The following MAGT1 variants were observed in gnomAD, a reference collection of about 807,000 sequenced individuals.
MAGT1 encodes magnesium transporter 1, also known as dolichyl-diphosphooligosaccharide--protein glycosyltransferase subunit MAGT1.
In MAGT1, 4 loss-of-function variants were observed where a neutral mutation model predicts 28.4. That is an observed-to-expected ratio of 0.14 (90% CI 0.07 to 0.32). The LOEUF (loss-of-function observed/expected upper bound fraction) is 0.32, where lower values mean the gene tolerates loss of function less well. Ranked by LOEUF, MAGT1 falls within the 10% of genes least tolerant of loss-of-function variation. The pLI is 1.00. For synonymous variants in MAGT1, 89 were observed against 89.7 expected (o/e 0.99, Z 0.04); for missense variants, 193 against 264.5 (o/e 0.73, Z 1.88).
In MAGT1 at chrX:77,889,375, TA is replaced by T. The variant is rs200075653; in HGVS notation, c.102+5933del. Among the ~76,000 whole-genome samples, 97 of 101,456 alleles carry T rather than the reference TA, an allele frequency of 9.6e-4. 1 individual carries two copies. Among genetic ancestry groups the T allele is most frequent in the African/African-American group, 1.7e-3 (47 of 27,771 alleles). 88.1% of individuals were successfully genotyped at this position (101,456 alleles called of 115,157 possible). ...ATATATATGTACATATATATATATA[TA>T]TTTTTTTTTTTGACATGGAATGACT... is the stretch of plus-strand genomic sequence containing the variant. On this transcript the variant is annotated intron_variant, in intron 1 of 9. Transcript: ENST00000618282.
chrX:77,844,141 A>G (rs1257485478), intron 7 of MAGT1, among the ~76,000 whole-genome samples: 2 of 111,521 alleles, frequency 1.8e-5, no homozygotes, highest in African/African-American at 3.3e-5. Context: ...TTATTGGTCT[A>G]TTCAGAGATT....
In MAGT1 at chrX:77,828,910, G is replaced by T; in HGVS notation, c.*310C>A. 5.1e-6 allele frequency: 1 copy of T among 197,287 alleles called. No individual in the cohort carries two copies. Among genetic ancestry groups the T allele is most frequent in the Non-Finnish European group, 9.3e-6 (1 of 107,605 alleles). 16.3% of individuals were successfully genotyped at this position (197,287 alleles called of 1,213,427 possible). A position where few individuals can be genotyped will look rare whatever the true frequency, so the allele number is the denominator to read the frequency against. On this transcript the variant is annotated 3_prime_UTR_variant, in exon 10 of 10. Transcript: ENST00000618282. ...GTTAACTAAAGTAGTTTTGAGCTTT[G>T]TTCTAACTAAAACAAAGTAGTAGTT...
At chrX:77,888,661 A>T (rs1299349629) in intron 1 of MAGT1, among the ~76,000 whole-genome samples, 1 of 111,518 alleles carries the variant, frequency 9.0e-6, no homozygotes, top group Non-Finnish European at 1.9e-5. Flanking sequence ...ATTAATTACG[A>T]TTTAAAGCTA....
At chrX:77,868,627 A>T in intron 3 of MAGT1, 1 of 305,507 alleles carries the variant, frequency 3.3e-6, no homozygotes, top group Non-Finnish European at 6.3e-6. Context: ...ACAGAGCGAG[A>T]CTCCATCTCA....
At chrX:77,834,128 C>G (rs782179328) in intron 8 of MAGT1, among the ~76,000 whole-genome samples, 17 of 104,098 alleles carry the variant, frequency 1.6e-4, no homozygotes, top group Non-Finnish European at 3.3e-4. Flanking sequence ...AAAATCAAGT[C>G]AAAGTGGATT....
In MAGT1 at chrX:77,845,121, G is replaced by GA. The variant is rs1557214768; in HGVS notation, c.827-3802_827-3801insT. ...TCTAAGGACTCGCTTTATGAATCTG[G>GA]GTGCTCCTGTATTGGGTGCATATAT... On this transcript the variant is annotated intron_variant, in intron 7 of 9. Coordinates refer to ENST00000618282, the MANE Select transcript of MAGT1 (RefSeq NM_001367916.1). Among the ~76,000 whole-genome samples the GA allele has an allele frequency of 1.5e-4, 17 of 111,132 alleles. No individual in the cohort carries two copies. The Admixed American group carries it at 1.6e-3, about 11-fold the overall frequency.
chrX:77,876,597 G>A (rs931935018), intron 1 of MAGT1, among the ~76,000 whole-genome samples: 6 of 111,648 alleles, frequency 5.4e-5, no homozygotes, highest in Non-Finnish European at 1.1e-4. Context: ...CCATACAAGT[G>A]TAGTCAAATG....
intron 8 of MAGT1, among the ~76,000 whole-genome samples, chrX:77,837,949 A>G (rs1380830946): frequency 1.8e-5 from 2 of 111,365 alleles, no homozygotes; most frequent in African/African-American, 6.5e-5. Flanking sequence ...CATGTTGGCC[A>G]GGCTAGTCTC....
intron 1 of MAGT1, among the ~76,000 whole-genome samples, chrX:77,890,722 T>A: frequency 8.9e-6 from 1 of 112,096 alleles, no homozygotes; most frequent in East Asian, 2.8e-4. Flanking sequence ...ATCTTCTATA[T>A]GCCAGGTACT....
Position 77,839,446 on chromosome X carries a change from C to T in MAGT1, c.901+1800G>A, listed in dbSNP as rs1439744943. 4.8e-5 allele frequency among the ~76,000 whole-genome samples: 5 copies of T among 104,480 alleles called. No individual in the cohort carries two copies. The East Asian group carries it at 1.6e-3, about 33-fold the overall frequency. 90.7% of individuals were successfully genotyped at this position (104,480 alleles called of 115,157 possible). A position where few individuals can be genotyped will look rare whatever the true frequency, so the allele number is the denominator to read the frequency against. Reference sequence around the variant, plus strand: ...GCAACCTCTGCCTCCCAGGTTCAAGCGATTCTCCTGCCTCAGCCTCTCAAC... The same window carrying T: ...GCAACCTCTGCCTCCCAGGTTCAAGTGATTCTCCTGCCTCAGCCTCTCAAC... On this transcript the variant is annotated intron_variant, in intron 8 of 9. Transcript: ENST00000618282.
intron 7 of MAGT1, among the ~76,000 whole-genome samples, chrX:77,843,429 TCTCA>T (rs1300410350): frequency 1.8e-5 from 2 of 110,488 alleles, no homozygotes; most frequent in Non-Finnish European, 3.8e-5. Flanking sequence ...AGAAACGGGG[TCTCA>T]CTATGTTGCC....
intron 1 of MAGT1, among the ~76,000 whole-genome samples, chrX:77,884,047 G>C (rs1483678830): frequency 9.1e-6 from 1 of 110,130 alleles, no homozygotes; most frequent in African/African-American, 3.3e-5. Context: ...ACAAAAATTA[G>C]TTGGGTGTGG....
chrX:77,866,375 C>G (rs2077008939), intron 3 of MAGT1, among the ~76,000 whole-genome samples: 1 of 66,561 alleles, frequency 1.5e-5, no homozygotes, highest in Admixed American at 2.1e-4. Flanking sequence ...CACATATCAG[C>G]ATCAGCATGT....
At chrX:77,856,303 T>C (rs1332549546) in intron 5 of MAGT1, among the ~76,000 whole-genome samples, 4 of 110,021 alleles carry the variant, frequency 3.6e-5, no homozygotes, top group Non-Finnish European at 5.7e-5. Context: ...CTGGGCGTGG[T>C]GGCACACGCC....
chrX:77,886,744 T>C (rs1266191803), intron 1 of MAGT1, among the ~76,000 whole-genome samples: 2 of 112,138 alleles, frequency 1.8e-5, no homozygotes, highest in African/African-American at 6.5e-5. Context: ...TCCAAGAATA[T>C]TGAATTTTAA....
At chrX:77,873,734 C>T (rs1557217502) in intron 2 of MAGT1, among the ~76,000 whole-genome samples, 1 of 111,345 alleles carries the variant, frequency 9.0e-6, no homozygotes, top group African/African-American at 3.3e-5. Context: ...AATTAATATA[C>T]CCATCACCTT....
At chrX:77,856,656 A>G (rs1002145606) in intron 5 of MAGT1, 77 bp downstream of exon 5, 9 of 976,910 alleles carry the variant, frequency 9.2e-6, no homozygotes, top group Admixed American at 2.3e-5. Flanking sequence ...TACTTCTCAC[A>G]TAAATAAAAG....
At chrX:77,872,430 T>C (rs2077022823) in intron 2 of MAGT1, among the ~76,000 whole-genome samples, 1 of 112,276 alleles carries the variant, frequency 8.9e-6, no homozygotes, top group African/African-American at 3.2e-5. Context: ...TGTTGCTTTC[T>C]TATTACCTTC....
intron 8 of MAGT1, 139 bp from the exon 9 acceptor site, chrX:77,831,034 T>TATTTTATTTTA: frequency 5.6e-6 from 1 of 178,411 alleles, no homozygotes; most frequent in Non-Finnish European, 1.0e-5. Flanking sequence ...TATTTTATTT[T>TATTTTATTTTA]TGAGACGGAG....
Sources: gnomAD v4.1 joint callset for allele counts (sites outside exome capture counted in the v4.1 genomes callset) on GRCh38, gnomAD v4.1.1 for gene constraint, MANE v1.5 for transcripts, NCBI Gene and HGNC (gene_info 2026-07-23, HGNC 2026-07-21) for gene names.